Variants in PRPSAP2 observed in about 807,000 individuals in gnomAD.
The protein encoded by PRPSAP2 is phosphoribosyl pyrophosphate synthase-associated protein 2.
In PRPSAP2, 24 loss-of-function variants were observed where a neutral mutation model predicts 40.6. That is an observed-to-expected ratio of 0.59 (90% CI 0.43 to 0.83). The LOEUF (loss-of-function observed/expected upper bound fraction) is 0.83, where lower values mean the gene tolerates loss of function less well. Ranked by LOEUF, PRPSAP2 falls within the 40% of genes least tolerant of loss-of-function variation. The pLI, the probability that PRPSAP2 is intolerant of heterozygous loss-of-function variation, is 0.00. For missense variants in PRPSAP2, 292 were observed against 465.6 expected (o/e 0.63, Z 3.43); for synonymous variants, 149 against 164.7 (o/e 0.90, Z 0.73).
chr17:18,919,100 G>T (rs72836735), intron 9 of PRPSAP2, among the ~76,000 whole-genome samples: 1 of 152,058 alleles, frequency 6.6e-6, no homozygotes, highest in Admixed American at 6.6e-5. Flanking sequence ...GTACTTTGGC[G>T]CACTCCTTTA....
At chr17:18,869,835 T>TG (rs2037717125) in intron 4 of PRPSAP2, among the ~76,000 whole-genome samples, 6 of 140,740 alleles carry the variant, frequency 4.3e-5, no homozygotes, top group African/African-American at 1.7e-4. Flanking sequence ...ATTTTGCTAC[T>TG]TTTTTTTTGT....
At chr17:18,910,640 G>T (rs1439365900) in intron 8 of PRPSAP2, among the ~76,000 whole-genome samples, 2 of 152,186 alleles carry the variant, frequency 1.3e-5, no homozygotes. Context: ...CAGAGCTCAT[G>T]AAATTATATA....
At chr17:18,914,931 G>C (rs986385354) in intron 9 of PRPSAP2, among the ~76,000 whole-genome samples, 1 of 151,474 alleles carries the variant, frequency 6.6e-6, no homozygotes, top group Non-Finnish European at 1.5e-5. Flanking sequence ...CACCATGTTG[G>C]CCAGGTTGGT....
intron 8 of PRPSAP2, among the ~76,000 whole-genome samples, chr17:18,909,880 ACT>A (rs528579272): frequency 6.6e-6 from 1 of 151,982 alleles, no homozygotes; most frequent in Non-Finnish European, 1.5e-5. Context: ...ACAGAGTGAG[ACT>A]CTGTCTCAAA....
intron 4 of PRPSAP2, among the ~76,000 whole-genome samples, chr17:18,870,795 C>T (rs2037800265): frequency 7.3e-6 from 1 of 136,250 alleles, no homozygotes; most frequent in Non-Finnish European, 1.6e-5. Context: ...GGCAACAGAG[C>T]AAGACCTTGT....
At chr17:18,904,716 G>A (rs1248854410) in intron 8 of PRPSAP2, 1 of 152,240 alleles carries the variant, frequency 6.6e-6, no homozygotes, top group Non-Finnish European at 1.5e-5. Context: ...GTAAGGAACA[G>A]AACTTGCTTG....
In PRPSAP2 at chr17:18,908,100, C is replaced by T. The variant is rs549942121; in HGVS notation, c.585-3003C>T. 9.9e-5 allele frequency among the ~76,000 whole-genome samples: 15 copies of T among 152,200 alleles called. No homozygotes were observed. The South Asian group carries it at 2.7e-3, about 27-fold the overall frequency. On this transcript the variant is annotated intron_variant, in intron 8 of 11. Coordinates refer to ENST00000268835, the MANE Select transcript of PRPSAP2 (RefSeq NM_002767.4). ...GCAGTGAGCCGAGATCATGTGACCG[C>T]ACTAGCCAAGATCACGCCACTGCAC...
At chr17:18,885,353 C>T (rs570127126) in intron 7 of PRPSAP2, among the ~76,000 whole-genome samples, 4 of 128,588 alleles carry the variant, frequency 3.1e-5, no homozygotes, top group East Asian at 4.6e-4. Context: ...CCCAGGTGGT[C>T]GAGGCTGCAT....
intron 1 of PRPSAP2, among the ~76,000 whole-genome samples, chr17:18,863,831 C>CTTTTT (rs34770102): frequency 4.5e-4 from 39 of 86,048 alleles, no homozygotes; most frequent in African/African-American, 1.8e-3. Flanking sequence ...ACTGCGTGGC[C>CTTTTT]TTTTTTTTTT....
intron 6 of PRPSAP2, among the ~76,000 whole-genome samples, chr17:18,878,906 G>A (rs143340655): frequency 1.6e-4 from 25 of 151,866 alleles, no homozygotes; most frequent in African/African-American, 4.6e-4. Flanking sequence ...GTCTTGCTCC[G>A]TTGCCCAGGC....
intron 8 of PRPSAP2, among the ~76,000 whole-genome samples, chr17:18,910,882 G>A (rs1325904500): frequency 2.0e-5 from 3 of 152,206 alleles, no homozygotes; most frequent in Non-Finnish European, 4.4e-5. Flanking sequence ...AGGCCAGGCT[G>A]CTGCCCTTCT....
chr17:18,893,385 G>A (rs182559369), intron 8 of PRPSAP2, among the ~76,000 whole-genome samples: 40 of 151,386 alleles, frequency 2.6e-4, no homozygotes, highest in East Asian at 1.6e-3. Flanking sequence ...TCTTGACCTC[G>A]TGATCCGCCT....
In PRPSAP2 at chr17:18,868,079, T is replaced by G. The variant is rs370301521; in HGVS notation, c.172+745T>G. On this transcript the variant is annotated intron_variant, in intron 4 of 11. Transcript: ENST00000268835. Reference sequence around the variant, plus strand: ...TGAGCCCAGGAGGTGGAGGCTGCAGTGAAGTGTGATCATACCACAGAGTGA... The same window carrying G: ...TGAGCCCAGGAGGTGGAGGCTGCAGGGAAGTGTGATCATACCACAGAGTGA... Among the ~76,000 whole-genome samples, 13 of 152,190 alleles carry G rather than the reference T, an allele frequency of 8.5e-5. 1 individual carries two copies. In the East Asian group the frequency reaches 9.6e-4, roughly 11 times the overall value.
chr17:18,892,731 T>TGTGTGTGTG (rs2039641951), intron 8 of PRPSAP2, among the ~76,000 whole-genome samples: 2 of 22,356 alleles, frequency 8.9e-5, no homozygotes, highest in Non-Finnish European at 1.3e-4. Context: ...GTGTGTGTAT[T>TGTGTGTGTG]TATTTATTTA....
intron 8 of PRPSAP2, among the ~76,000 whole-genome samples, chr17:18,910,060 T>C (rs929524663): frequency 1.3e-5 from 2 of 152,056 alleles, no homozygotes; most frequent in South Asian, 2.1e-4. Flanking sequence ...TACTCAGCAA[T>C]GAAAGGGAAT....
chr17:18,917,752 A>AG (rs2041454930), intron 9 of PRPSAP2, among the ~76,000 whole-genome samples: 2 of 151,106 alleles, frequency 1.3e-5, no homozygotes, highest in Admixed American at 1.3e-4. Context: ...GGGGAAGAGG[A>AG]GGAGGGAGGG....
intron 8 of PRPSAP2, among the ~76,000 whole-genome samples, chr17:18,906,514 C>A (rs2040594870): frequency 6.7e-6 from 1 of 148,388 alleles, no homozygotes; most frequent in East Asian, 2.1e-4. Flanking sequence ...GTGCCTGGGC[C>A]AGCTAATTTT....
chr17:18,916,526 C>T (rs1169929152), intron 9 of PRPSAP2, among the ~76,000 whole-genome samples: 1 of 151,858 alleles, frequency 6.6e-6, no homozygotes, highest in Non-Finnish European at 1.5e-5. Flanking sequence ...GGATTACAGG[C>T]GCGCACCACC....
rs531237970 is a variant in PRPSAP2 at position 18,905,649 on chromosome 17, G to A, written c.585-5454G>A. On this transcript the variant is annotated intron_variant, in intron 8 of 11. Coordinates refer to ENST00000268835, the MANE Select transcript of PRPSAP2 (RefSeq NM_002767.4). ...GGCTAGAGTGCAATGGTGCGATCTCGGCTCACCGCAATCTCCGCCTCCCGG... is the reference window on the plus strand; with the variant it reads ...GGCTAGAGTGCAATGGTGCGATCTCAGCTCACCGCAATCTCCGCCTCCCGG... Among the ~76,000 whole-genome samples the A allele has an allele frequency of 3.2e-4, 48 of 151,236 alleles. 1 individual carries two copies. The South Asian group carries it at 6.9e-3, about 22-fold the overall frequency.
Sources: allele counts gnomAD v4.1 joint callset (sites outside exome capture counted in the v4.1 genomes callset), GRCh38; gene constraint gnomAD v4.1.1; transcripts MANE v1.5; gene names NCBI Gene and HGNC (gene_info 2026-07-23, HGNC 2026-07-21).